The following PIK3CB variants were observed in gnomAD, a reference collection of about 807,000 sequenced individuals.
PIK3CB encodes phosphatidylinositol 4,5-bisphosphate 3-kinase catalytic subunit beta isoform.
A neutral mutation model predicts 136.8 loss-of-function variants in PIK3CB; 39 were observed. That is an observed-to-expected ratio of 0.29 (90% CI 0.22 to 0.37). The LOEUF is 0.37. PIK3CB is among the 10% of genes least tolerant of loss of function. The pLI is 1.00. For missense variants in PIK3CB, 868 were observed against 1,275.4 expected (o/e 0.68, Z 4.87); for synonymous variants, 428 against 436.6 (o/e 0.98, Z 0.25).
chr3:138,705,197 A>AAAAC (rs2044352081), intron 11 of PIK3CB, among the ~76,000 whole-genome samples: 1 of 142,278 alleles, frequency 7.0e-6, no homozygotes, highest in Non-Finnish European at 1.5e-5. Flanking sequence ...AAACAAAAAA[A>AAAAC]AAAACTTATA....
intron 9 of PIK3CB, among the ~76,000 whole-genome samples, chr3:138,713,848 C>T (rs2044555442): frequency 6.6e-6 from 1 of 152,022 alleles, no homozygotes; most frequent in African/African-American, 2.4e-5. Context: ...ACAACAGGTC[C>T]ATCCTCTTAT....
chr3:138,754,844 T>C (rs535464665), intron 4 of PIK3CB, among the ~76,000 whole-genome samples: 77 of 152,316 alleles, frequency 5.1e-4, no homozygotes, highest in African/African-American at 1.8e-3. Context: ...CCAATCTAGA[T>C]ACATAAATCT....
Position 138,694,808 on chromosome 3 carries a change from C to T in PIK3CB, c.1870G>A (p.Val624Ile), listed in dbSNP as rs78077615. ...YPDQYVREYAVGCLRQMSDEE... is the reference protein window; with the variant it reads ...YPDQYVREYAIGCLRQMSDEE... ...TACCTCATCTGTCGCAGGCAGCCTA[C>T]AGCATATTCTCGAACGTACTGGTCT... The change falls in exon 14 of 24, where the codon GTA (valine) becomes ATA (isoleucine). Residue 624 changes from valine (V) to isoleucine (I), a missense_variant. Val to Ile is a conservative substitution (Grantham distance 29). Around this residue, in one of 4 missense-constraint regions of PIK3CB, gnomAD observed 612 missense variants for 801.1 expected, o/e 0.76. Coordinates refer to ENST00000674063, the MANE Select transcript of PIK3CB (RefSeq NM_006219.3). The T allele has an allele frequency of 6.2e-6, 10 of 1,613,152 alleles. No individual in the cohort carries two copies. In the African/African-American group the frequency reaches 8.0e-5, roughly 13 times the overall value.
intron 1 of PIK3CB, among the ~76,000 whole-genome samples, chr3:138,813,942 T>C (rs1238357824): frequency 1.3e-5 from 2 of 152,086 alleles, no homozygotes; most frequent in Non-Finnish European, 2.9e-5. Flanking sequence ...GGAATACACC[T>C]GGGCTGAAAA....
intron 2 of PIK3CB, among the ~76,000 whole-genome samples, chr3:138,776,610 C>T (rs1202219161): frequency 2.0e-5 from 3 of 152,108 alleles, no homozygotes; most frequent in East Asian, 1.9e-4. Context: ...GAGGGACGAT[C>T]GCCTGAGCCT....
chr3:138,666,722 A>T (rs1048146793), intron 19 of PIK3CB, among the ~76,000 whole-genome samples: 1 of 152,222 alleles, frequency 6.6e-6, no homozygotes. Context: ...GATGGAATTC[A>T]TGCACTCAGT....
chr3:138,776,922 CAAAA>C (rs11435742), intron 2 of PIK3CB, among the ~76,000 whole-genome samples: 2 of 57,406 alleles, frequency 3.5e-5, no homozygotes, highest in Non-Finnish European at 7.2e-5. Flanking sequence ...GACTCTACCT[CAAAA>C]AAAAAAAAAA....
intron 3 of PIK3CB, 54 bp downstream of exon 3, chr3:138,759,119 T>A: frequency 1.9e-6 from 2 of 1,061,418 alleles, no homozygotes; most frequent in Non-Finnish European, 2.7e-6. Context: ...GAATGATATT[T>A]CCCCCAAGTG....
intron 19 of PIK3CB, among the ~76,000 whole-genome samples, chr3:138,668,773 T>C (rs1222937821): frequency 1.3e-5 from 2 of 152,160 alleles, no homozygotes; most frequent in Non-Finnish European, 2.9e-5. Flanking sequence ...GGGCCTTCAG[T>C]GCATCCATCA....
chr3:138,689,080 G>T, intron 15 of PIK3CB, 106 bp from the exon 16 acceptor site: 1 of 684,124 alleles, frequency 1.5e-6, no homozygotes, highest in Non-Finnish European at 2.6e-6. Context: ...ATGATGGCAA[G>T]GTCATTGTGT....
chr3:138,808,261 T>C (rs1473717557), intron 1 of PIK3CB, among the ~76,000 whole-genome samples: 3 of 152,180 alleles, frequency 2.0e-5, no homozygotes, highest in Non-Finnish European at 4.4e-5. Context: ...GAAAATATAT[T>C]ACTTATTGAC....
At position 138,805,109 on chromosome 3, in the gene PIK3CB, C is replaced by T. The variant is rs1024081889; in HGVS notation, c.-121-8542G>A. 2.6e-5 allele frequency among the ~76,000 whole-genome samples: 4 copies of T among 151,600 alleles called. No individual in the cohort carries two copies. The South Asian group carries it at 6.3e-4, about 24-fold the overall frequency. On this transcript the variant is annotated intron_variant, in intron 1 of 23. Coordinates refer to ENST00000674063, the MANE Select transcript of PIK3CB (RefSeq NM_006219.3). ...CAACACTTTGGGAGGCAGAGGCAGG[C>T]GGATCACCTGAGGTCAGGAGTTCGA...
rs1205300478 is a variant in PIK3CB, at chr3:138,728,424, C to T, written c.1050+4937G>A. On this transcript the variant is annotated intron_variant, in intron 8 of 23. Coordinates refer to ENST00000674063, the MANE Select transcript of PIK3CB (RefSeq NM_006219.3). Reference sequence around the variant, plus strand: ...TCAAATTTAATAATGTATAAAAAGGCTAACACATCTTGACCGAGTGAACAT... The same window carrying T: ...TCAAATTTAATAATGTATAAAAAGGTTAACACATCTTGACCGAGTGAACAT... 2.0e-5 allele frequency among the ~76,000 whole-genome samples: 3 copies of T among 152,034 alleles called. No homozygotes were observed. The East Asian group carries it at 5.8e-4, about 29-fold the overall frequency.
intron 1 of PIK3CB, among the ~76,000 whole-genome samples, chr3:138,814,392 C>G (rs1014185897): frequency 2.0e-5 from 3 of 151,112 alleles, no homozygotes; most frequent in African/African-American, 7.3e-5. Context: ...GCAGGAGAAT[C>G]ACTTGAAGCC....
chr3:138,828,216 C>G (rs1383637964), intron 1 of PIK3CB, among the ~76,000 whole-genome samples: 2 of 134,422 alleles, frequency 1.5e-5, no homozygotes, highest in East Asian at 4.4e-4. Flanking sequence ...GATGGAGTCT[C>G]GCTCTATCGC....
At chr3:138,784,439 GTC>G (rs1478342129) in intron 2 of PIK3CB, among the ~76,000 whole-genome samples, 1 of 151,458 alleles carries the variant, frequency 6.6e-6, no homozygotes, top group Non-Finnish European at 1.5e-5. Context: ...TCTCGTCTCC[GTC>G]TCCGTCTCCC....
At chr3:138,829,830 G>T (rs1050581523) in intron 1 of PIK3CB, among the ~76,000 whole-genome samples, 2 of 151,982 alleles carry the variant, frequency 1.3e-5, no homozygotes, top group African/African-American at 4.8e-5. Context: ...ATAAGAATGG[G>T]AATTAAGAGA....
chr3:138,727,705 A>C (rs928070103), intron 8 of PIK3CB, among the ~76,000 whole-genome samples: 2 of 152,268 alleles, frequency 1.3e-5, no homozygotes, highest in African/African-American at 4.8e-5. Flanking sequence ...CAGAAAACTA[A>C]CATAAGGGAC....
At position 138,663,986 on chromosome 3, in the gene PIK3CB, C is replaced by T. The variant is rs771013500; in HGVS notation, c.2716G>A (p.Ala906Thr). 2 of 1,613,968 alleles carry T rather than the reference C, an allele frequency of 1.2e-6. No individual in the cohort carries two copies. Among genetic ancestry groups the T allele is most frequent in the East Asian group, 2.2e-5 (1 of 44,878 alleles). ...RAIEEFTLSC[A>T]GYCVASYVLG... ...ACATAAGAAGCTACACAGTAGCCAG[C>T]ACAGGACAGTGTAAATTCCTCAATG... The change falls in exon 21 of 24, where the codon GCT becomes ACT. Residue 906 changes from alanine (A) to threonine (T), a missense_variant. Physicochemically the swap from Ala to Thr is moderately conservative, Grantham distance 58. Transcript: ENST00000674063.
Sources: allele counts gnomAD v4.1 joint callset (sites outside exome capture counted in the v4.1 genomes callset), GRCh38; gene constraint gnomAD v4.1.1; regional missense constraint gnomAD v4.1.1; transcripts MANE v1.5; gene names NCBI Gene and HGNC (gene_info 2026-07-23, HGNC 2026-07-21).